The following SLC35F3 variants were observed in gnomAD, a reference collection of about 807,000 sequenced individuals.
SLC35F3 encodes the protein putative thiamine transporter SLC35F3.
SLC35F3 carries 25 observed loss-of-function variants against 49.9 expected under a neutral mutation model. The ratio of observed to expected loss-of-function variants is 0.50; its 90% CI spans 0.37 to 0.70. SLC35F3 has a LOEUF of 0.70. Among genes scored for constraint, SLC35F3 ranks in the 30% least tolerant of loss-of-function variants. SLC35F3 has a pLI of 0.00. For missense variants in SLC35F3, 525 were observed against 639.8 expected (o/e 0.82, Z 1.94); for synonymous variants, 275 against 265.4 (o/e 1.04, Z -0.35).
intron 2 of SLC35F3, among the ~76,000 whole-genome samples, chr1:234,219,055 CA>C (rs60342594): frequency 0.013 from 694 of 55,262 alleles, no homozygotes; most frequent in South Asian, 0.037. Context: ...GACTCCATCT[CA>C]AAAAAAAAAA....
In SLC35F3 at chr1:233,961,778, A is replaced by T. The variant is rs182627604; in HGVS notation, c.283+56020A>T. On this transcript the variant is annotated intron_variant, in intron 2 of 7. Coordinates refer to ENST00000366618, the MANE Select transcript of SLC35F3 (RefSeq NM_173508.4). Reference sequence around the variant, plus strand: ...GCCTCTCATTTCAGCTTTTTTAGAGATCTGCTGTCTGTCAGGTCGTAGCTC... The same window carrying T: ...GCCTCTCATTTCAGCTTTTTTAGAGTTCTGCTGTCTGTCAGGTCGTAGCTC... Among the ~76,000 whole-genome samples, 119 of 152,192 alleles carry T rather than the reference A, an allele frequency of 7.8e-4. No homozygotes were observed. In the Middle Eastern group the frequency reaches 0.017, roughly 22 times the overall value.
chr1:234,086,620 C>T (rs1403592378), intron 2 of SLC35F3, among the ~76,000 whole-genome samples: 1 of 152,176 alleles, frequency 6.6e-6, no homozygotes, highest in Non-Finnish European at 1.5e-5. Context: ...TTAATAATTG[C>T]ACACGGGCTG....
At chr1:233,952,034 T>C (rs1662615451) in intron 2 of SLC35F3, among the ~76,000 whole-genome samples, 1 of 152,196 alleles carries the variant, frequency 6.6e-6, no homozygotes, top group South Asian at 2.1e-4. Context: ...TCCTATACTT[T>C]CTTTTCATTT....
rs570750930 is a variant in SLC35F3, at chr1:234,059,934, G to A, written c.283+154176G>A. ...ATTAGATGGTGCCCACTGAATTAAG[G>A]GTGGGTCTGCCTTCCCCAGCCCACT... On this transcript the variant is annotated intron_variant, in intron 2 of 7. Coordinates refer to ENST00000366618, the MANE Select transcript of SLC35F3 (RefSeq NM_173508.4). Among the ~76,000 whole-genome samples the A allele has an allele frequency of 2.6e-5, 4 of 152,238 alleles. No homozygotes were observed. The Middle Eastern group carries it at 0.01, about 388-fold the overall frequency.
chr1:234,321,245 G>C (rs1187481682), intron 7 of SLC35F3, among the ~76,000 whole-genome samples: 2 of 152,204 alleles, frequency 1.3e-5, no homozygotes, highest in East Asian at 3.9e-4. Context: ...TACCAGGCCT[G>C]GGGGAGGTGT....
chr1:234,155,698 G>A (rs1049393357), intron 2 of SLC35F3, among the ~76,000 whole-genome samples: 1 of 151,552 alleles, frequency 6.6e-6, no homozygotes, highest in African/African-American at 2.4e-5. Context: ...TTAAATGAAT[G>A]CTAACAATTG....
At chr1:233,960,689 T>C (rs1449547201) in intron 2 of SLC35F3, among the ~76,000 whole-genome samples, 4 of 152,216 alleles carry the variant, frequency 2.6e-5, no homozygotes, top group Non-Finnish European at 5.9e-5. Flanking sequence ...CACTGGGTCC[T>C]AGTCAACTCT....
At chr1:234,116,182 T>C (rs1447129908) in intron 2 of SLC35F3, among the ~76,000 whole-genome samples, 1 of 152,228 alleles carries the variant, frequency 6.6e-6, no homozygotes, top group African/African-American at 2.4e-5. Flanking sequence ...TGGAGACATC[T>C]GGCCTCGGTC....
At chr1:234,209,276 G>A (rs1399011041) in intron 2 of SLC35F3, among the ~76,000 whole-genome samples, 2 of 151,892 alleles carry the variant, frequency 1.3e-5, no homozygotes, top group East Asian at 3.9e-4. Context: ...TTGAGTTTTT[G>A]TGAGATTTGA....
Position 234,214,600 on chromosome 1 carries a change from G to A in SLC35F3, c.284-16817G>A, listed in dbSNP as rs1018839089. ...GTAATGCGCGGCCGCCTCGCCCCGG[G>A]GGTCCCTGCACCCTAGCCGGGGAAT... On this transcript the variant is annotated intron_variant, in intron 2 of 7. Coordinates refer to ENST00000366618, the MANE Select transcript of SLC35F3 (RefSeq NM_173508.4). This position sits in a 1 kb window ranked among gnomAD's most constrained non-coding sequence, Gnocchi z 8.0. 6.6e-7 allele frequency: 1 copy of A among 1,521,648 alleles called. No individual in the cohort carries two copies. 94.3% of individuals were successfully genotyped at this position (1,521,648 alleles called of 1,614,324 possible). A position where few individuals can be genotyped will look rare whatever the true frequency, so the allele number is the denominator to read the frequency against.
At chr1:234,275,081 C>T (rs559349580) in intron 3 of SLC35F3, among the ~76,000 whole-genome samples, 7 of 152,300 alleles carry the variant, frequency 4.6e-5, no homozygotes, top group Admixed American at 3.9e-4. Flanking sequence ...ATCTGAAATG[C>T]TTCAAATCTG....
intron 2 of SLC35F3, among the ~76,000 whole-genome samples, chr1:234,007,350 G>T (rs1019773732): frequency 6.6e-6 from 1 of 152,144 alleles, no homozygotes; most frequent in South Asian, 2.1e-4. Flanking sequence ...GTGAGCCCTG[G>T]AGCTCTCTGA....
chr1:234,150,220 C>A (rs1428681518), intron 2 of SLC35F3, among the ~76,000 whole-genome samples: 1 of 152,214 alleles, frequency 6.6e-6, no homozygotes, highest in Non-Finnish European at 1.5e-5. Flanking sequence ...TCTACACTTG[C>A]TGAGGCAGAA....
chr1:234,253,710 G>C (rs1278755510), intron 3 of SLC35F3, among the ~76,000 whole-genome samples: 2 of 152,164 alleles, frequency 1.3e-5, no homozygotes, highest in Non-Finnish European at 2.9e-5. Context: ...GTTCTCTGAT[G>C]AGCTCAGTTT....
At chr1:234,268,772 C>G (rs750394984) in intron 3 of SLC35F3, 7 of 152,128 alleles carry the variant, frequency 4.6e-5, no homozygotes, top group Admixed American at 6.5e-5. Context: ...GAATATCATA[C>G]GGCAGTGAAA....
At position 233,905,746 on chromosome 1, in the gene SLC35F3, G is replaced by T; in HGVS notation, c.271G>T (p.Ala91Ser). The change falls in exon 2 of 8, where the codon GCG becomes TCG. Residue 91 changes from alanine (A) to serine (S), a missense_variant. Ala to Ser is a moderately conservative substitution (Grantham distance 99). This residue lies in a region of SLC35F3 where 228 missense variants were observed against 218.9 expected (regional missense o/e 1.04). Transcript: ENST00000366618. ...TGYYGYQPWA[A>S]SCKREERPRD... ...CTACTATGGCTACCAGCCCTGGGCA[G>T]CGAGCTGCAAAAGTAAGACCCCCTC... is the stretch of plus-strand genomic sequence containing the variant. 1.2e-6 allele frequency: 2 copies of T among 1,611,298 alleles called. No individual in the cohort carries two copies. The highest frequency in any genetic ancestry group is 1.7e-6 in the Non-Finnish European group (2 of 1,178,070).
In SLC35F3 at chr1:234,089,227, A is replaced by G. The variant is rs1018687595; in HGVS notation, c.284-142190A>G. Among the ~76,000 whole-genome samples the G allele has an allele frequency of 2.6e-5, 4 of 152,202 alleles. No homozygotes were observed. In the East Asian group the frequency reaches 7.7e-4, roughly 29 times the overall value. On this transcript the variant is annotated intron_variant, in intron 2 of 7. Coordinates refer to ENST00000366618, the MANE Select transcript of SLC35F3 (RefSeq NM_173508.4). Reference sequence around the variant, plus strand: ...TGTGTAATGTCTGATAATTTCACTCATTAAATTACCCAGACAGACCATAAA... The same window carrying G: ...TGTGTAATGTCTGATAATTTCACTCGTTAAATTACCCAGACAGACCATAAA...
At chr1:234,159,431 G>T (rs1285780283) in intron 2 of SLC35F3, among the ~76,000 whole-genome samples, 1 of 152,042 alleles carries the variant, frequency 6.6e-6, no homozygotes, top group Non-Finnish European at 1.5e-5. Flanking sequence ...ATAAAAATCA[G>T]CTGGGCGTGG....
intron 2 of SLC35F3, among the ~76,000 whole-genome samples, chr1:233,985,864 T>A (rs549551771): frequency 3.9e-5 from 6 of 152,354 alleles, no homozygotes; most frequent in African/African-American, 1.4e-4. Flanking sequence ...CCTGCAGAGG[T>A]TGATGAACTT....
Sources: allele counts gnomAD v4.1 joint callset (sites outside exome capture counted in the v4.1 genomes callset), GRCh38; gene constraint gnomAD v4.1.1; regional missense constraint gnomAD v4.1.1; non-coding constraint Gnocchi (gnomAD v3.1); transcripts MANE v1.5; gene names NCBI Gene and HGNC (gene_info 2026-07-23, HGNC 2026-07-21).